CLEC16A: variants seen among roughly 807,000 people sequenced by gnomAD.
CLEC16A encodes the protein C-type lectin domain containing 16A.
Under a neutral mutation model 109.5 loss-of-function variants are expected in CLEC16A, and 51 were observed. The ratio of observed to expected loss-of-function variants is 0.47; its 90% CI spans 0.37 to 0.59. The LOEUF (loss-of-function observed/expected upper bound fraction) is 0.59, where lower values mean the gene tolerates loss of function less well. Ranked by LOEUF, CLEC16A falls within the 20% of genes least tolerant of loss-of-function variation. The pLI is 0.00. For synonymous variants in CLEC16A, 673 were observed against 564.2 expected, an observed-to-expected ratio of 1.19 and a Z score of -2.73; for missense variants, 1,339 against 1,394.0, an observed-to-expected ratio of 0.96 and a Z score of 0.63.
At chr16:11,101,190 A>AGT (rs2050893737) in intron 19 of CLEC16A, among the ~76,000 whole-genome samples, 1 of 152,204 alleles carries the variant, frequency 6.6e-6, no homozygotes. Context: ...GTTACATTTC[A>AGT]CTGAATAATG....
At chr16:11,078,983 C>CCCTCT (rs1362398685) in intron 19 of CLEC16A, among the ~76,000 whole-genome samples, 1 of 152,142 alleles carries the variant, frequency 6.6e-6, no homozygotes, top group African/African-American at 2.4e-5. Flanking sequence ...AAATCACTTG[C>CCCTCT]CCTCTCGAGC....
intron 18 of CLEC16A, among the ~76,000 whole-genome samples, chr16:11,060,058 C>G (rs1471292776): frequency 2.6e-5 from 4 of 152,230 alleles, no homozygotes; most frequent in Non-Finnish European, 5.9e-5. Flanking sequence ...AGGCTGCTTT[C>G]TGCACACACG....
intron 17 of CLEC16A, among the ~76,000 whole-genome samples, chr16:11,050,423 A>G (rs2047879488): frequency 6.6e-6 from 1 of 152,122 alleles, no homozygotes; most frequent in South Asian, 2.1e-4. Flanking sequence ...CAGGAGGGGG[A>G]AAGTGGTATG....
chr16:11,005,949 A>G lies in CLEC16A; in HGVS notation c.1303+2644A>G, dbSNP rs1040928991. On this transcript the variant is annotated intron_variant, in intron 11 of 23. Transcript: ENST00000409790. The stretch of plus-strand genomic sequence containing the variant: ...CTGGAAATTTCTGAATATAGAAAAT[A>G]TAATTCACATGATGACTTTTTTTTT... Among the ~76,000 whole-genome samples, 3 of 150,574 alleles carry G rather than the reference A, an allele frequency of 2.0e-5. No individual in the cohort carries two copies. The Admixed American group carries it at 2.0e-4, about 10-fold the overall frequency.
chr16:11,165,245 C>T (rs1182669588), intron 22 of CLEC16A, among the ~76,000 whole-genome samples: 1 of 151,972 alleles, frequency 6.6e-6, no homozygotes, highest in Non-Finnish European at 1.5e-5. Flanking sequence ...AATCCCAGAA[C>T]TTTGGGAGGC....
At chr16:11,021,549 G>C (rs1248069274) in intron 12 of CLEC16A, among the ~76,000 whole-genome samples, 1 of 152,222 alleles carries the variant, frequency 6.6e-6, no homozygotes, top group Non-Finnish European at 1.5e-5. Flanking sequence ...TGAAATCCTA[G>C]CGCTTTGGGA....
intron 6 of CLEC16A, 55 bp downstream of exon 6, chr16:10,972,614 A>G (rs1352943691): frequency 2.0e-6 from 3 of 1,505,116 alleles, no homozygotes; most frequent in African/African-American, 1.4e-5. Flanking sequence ...ATATGTAAAT[A>G]CCTTGCTTGA....
chr16:11,172,229 C>G (rs1045039622), intron 23 of CLEC16A, among the ~76,000 whole-genome samples: 23 of 152,146 alleles, frequency 1.5e-4, no homozygotes, highest in African/African-American at 5.3e-4. Flanking sequence ...CATACATGCA[C>G]ACACTCATAC....
intron 22 of CLEC16A, among the ~76,000 whole-genome samples, chr16:11,132,172 C>T (rs934078142): frequency 6.6e-6 from 1 of 152,078 alleles, no homozygotes; most frequent in African/African-American, 2.4e-5. Context: ...TCCTCTAGTT[C>T]CAAAACATTT....
intron 1 of CLEC16A, among the ~76,000 whole-genome samples, chr16:10,946,722 A>T (rs776672294): frequency 7.9e-5 from 12 of 152,154 alleles, no homozygotes; most frequent in Non-Finnish European, 1.6e-4. Context: ...AATTTATCGA[A>T]TGCATTATTC....
chr16:10,986,062 G>A (rs1428045618), intron 10 of CLEC16A, among the ~76,000 whole-genome samples: 5 of 82,922 alleles, frequency 6.0e-5, no homozygotes, highest in Admixed American at 1.8e-4. Context: ...ACTGAGTCTC[G>A]CTCTGTCGCC....
intron 20 of CLEC16A, among the ~76,000 whole-genome samples, chr16:11,123,334 T>A (rs117950761): frequency 6.6e-6 from 1 of 152,226 alleles, no homozygotes. Flanking sequence ...AGCAACTATA[T>A]CTGAGATCAT....
Position 10,962,359 on chromosome 16 carries a change from G to A in CLEC16A, c.210-96G>A. ...TGTGCAGATACCTTGGGGGAGAGGG[G>A]TGAATCTAATACTTGTGTTGTGAAT... On this transcript the variant is annotated intron_variant, in intron 2 of 23. Coordinates refer to ENST00000409790, the MANE Select transcript of CLEC16A (RefSeq NM_015226.3). The A allele has an allele frequency of 1.0e-5, 15 of 1,479,630 alleles. No homozygotes were observed. In the South Asian group the frequency reaches 1.5e-4, roughly 15 times the overall value. 91.7% of individuals were successfully genotyped at this position (1,479,630 alleles called of 1,614,324 possible).
chr16:11,075,428 A>G (rs2058532), intron 19 of CLEC16A, among the ~76,000 whole-genome samples: 19,722 of 106,578 alleles, frequency 0.19, 1,341 homozygotes, highest in African/African-American at 0.27. Flanking sequence ...GTGTGTGTGT[A>G]TGTGTGTGTG....
intron 22 of CLEC16A, among the ~76,000 whole-genome samples, chr16:11,138,893 T>G (rs369369130): frequency 9.9e-5 from 15 of 152,160 alleles, no homozygotes; most frequent in African/African-American, 3.1e-4. Flanking sequence ...CATCTCCAAG[T>G]GCCCTTGCGC....
At chr16:10,999,895 G>T (rs1295246972) in intron 10 of CLEC16A, among the ~76,000 whole-genome samples, 1 of 152,206 alleles carries the variant, frequency 6.6e-6, no homozygotes, top group Non-Finnish European at 1.5e-5. Context: ...GGAGTGCGGT[G>T]GTTTAATCTT....
intron 22 of CLEC16A, among the ~76,000 whole-genome samples, chr16:11,143,388 A>C (rs751142683): frequency 3.3e-5 from 5 of 152,170 alleles, no homozygotes; most frequent in Non-Finnish European, 5.9e-5. Flanking sequence ...GGTGCCAGCA[A>C]ATGAGACATA....
intron 12 of CLEC16A, chr16:11,024,146 T>TA (rs1567209784): frequency 6.6e-6 from 1 of 152,206 alleles, no homozygotes; most frequent in Non-Finnish European, 1.5e-5. Context: ...CTTGGTATAT[T>TA]AAAAATAGAA....
At chr16:11,057,812 A>G (rs897440107) in intron 18 of CLEC16A, among the ~76,000 whole-genome samples, 2 of 152,242 alleles carry the variant, frequency 1.3e-5, no homozygotes, top group South Asian at 4.1e-4. Context: ...GGAAGAACAC[A>G]GAGCTTGGAA....
Sources: allele counts gnomAD v4.1 joint callset (sites outside exome capture counted in the v4.1 genomes callset), GRCh38; gene constraint gnomAD v4.1.1; transcripts MANE v1.5; gene names NCBI Gene and HGNC (gene_info 2026-07-23, HGNC 2026-07-21).